MLPH: variants seen among roughly 807,000 people sequenced by gnomAD.
MLPH encodes melanophilin.
In MLPH, 51 loss-of-function variants were observed where a neutral mutation model predicts 72.1. The ratio of observed to expected loss-of-function variants is 0.71; its 90% CI spans 0.56 to 0.89. MLPH has a LOEUF of 0.89. MLPH is among the 40% of genes least tolerant of loss of function. The pLI is 0.00. For missense variants in MLPH, 743 were observed against 759.9 expected (o/e 0.98, Z 0.26); for synonymous variants, 301 against 310.1 (o/e 0.97, Z 0.31).
intron 4 of MLPH, among the ~76,000 whole-genome samples, chr2:237,514,552 G>A (rs1230737700): frequency 1.3e-5 from 2 of 152,208 alleles, no homozygotes; most frequent in Admixed American, 6.5e-5. Context: ...TGGCCTTGGG[G>A]AAGAATGGGC....
At position 237,542,815 on chromosome 2, in the gene MLPH, G is replaced by C. The variant is rs1192650707; in HGVS notation, c.1539+156G>C. Among the ~76,000 whole-genome samples, 3 of 38,970 alleles carry C rather than the reference G, an allele frequency of 7.7e-5. 1 individual carries two copies. The highest frequency in any genetic ancestry group is 3.5e-4 in the Admixed American group (2 of 5,676). 25.6% of individuals were successfully genotyped at this position (38,970 alleles called of 152,430 possible). On this transcript the variant is annotated intron_variant, in intron 12 of 15. Transcript: ENST00000264605. Reference sequence around the variant, plus strand: ...GACAGTGGTGAGTGGAGGGACAGTGGTGAGTGGGGACAGTGGTGAGTGGGG... The same window carrying C: ...GACAGTGGTGAGTGGAGGGACAGTGCTGAGTGGGGACAGTGGTGAGTGGGG...
intron 6 of MLPH, 112 bp downstream of exon 6, chr2:237,520,141 T>C: frequency 1.4e-6 from 2 of 1,432,684 alleles, no homozygotes; most frequent in Non-Finnish European, 1.9e-6. Flanking sequence ...GGCCACACAG[T>C]CCCACCTGGC....
intron 2 of MLPH, among the ~76,000 whole-genome samples, chr2:237,499,079 C>T (rs527275548): frequency 2.1e-5 from 3 of 144,216 alleles, no homozygotes; most frequent in Non-Finnish European, 4.4e-5. Flanking sequence ...CAGATCTTCC[C>T]GGAGGGTTTC....
intron 15 of MLPH, 48 bp downstream of exon 15, chr2:237,552,485 C>A: frequency 6.7e-7 from 1 of 1,484,418 alleles, no homozygotes; most frequent in East Asian, 2.3e-5. Flanking sequence ...TTCAGTGACC[C>A]GTCAGATTTA....
chr2:237,527,257 A>G, intron 7 of MLPH, 120 bp from the exon 8 acceptor site: 1 of 1,274,526 alleles, frequency 7.8e-7, no homozygotes. Context: ...TCAGCCCTGT[A>G]ACATGAACAT....
At chr2:237,514,001 G>A (rs2079961991) in intron 4 of MLPH, among the ~76,000 whole-genome samples, 2 of 152,210 alleles carry the variant, frequency 1.3e-5, no homozygotes, top group South Asian at 4.1e-4. Flanking sequence ...ATACATGGGA[G>A]CCTTCAGAAT....
chr2:237,525,461 G>A, intron 6 of MLPH, 140 bp from the exon 7 acceptor site: 3 of 763,608 alleles, frequency 3.9e-6, no homozygotes, highest in Non-Finnish European at 6.8e-6. Context: ...GAGTGGCAGG[G>A]GCCAGCGCAG....
intron 6 of MLPH, 30 bp downstream of exon 6, chr2:237,520,059 C>G: frequency 6.2e-7 from 1 of 1,613,654 alleles, no homozygotes; most frequent in Non-Finnish European, 8.5e-7. Context: ...TTTCCCCTGC[C>G]CCTCCCAGGA....
chr2:237,517,815 G>A (rs74449293), intron 4 of MLPH, among the ~76,000 whole-genome samples: 30,111 of 151,172 alleles, frequency 0.2, 3,673 homozygotes, highest in African/African-American at 0.34. Context: ...GCAGCTGGAT[G>A]GATGGGTAGA....
At chr2:237,535,718 G>A (rs1052002167) in intron 9 of MLPH, among the ~76,000 whole-genome samples, 4 of 152,238 alleles carry the variant, frequency 2.6e-5, no homozygotes, top group Non-Finnish European at 5.9e-5. Context: ...AATGGGGTCA[G>A]TGCTCCAAAG....
At chr2:237,509,600 TC>T (rs1559343661) in intron 2 of MLPH, among the ~76,000 whole-genome samples, 1 of 152,150 alleles carries the variant, frequency 6.6e-6, no homozygotes, top group Non-Finnish European at 1.5e-5. Flanking sequence ...GATGGCGGTA[TC>T]CCCCTAGATT....
At chr2:237,545,671 A>G in intron 12 of MLPH, 1 of 1,243,646 alleles carries the variant, frequency 8.0e-7, no homozygotes, top group Non-Finnish European at 1.0e-6. Context: ...TCCTCTCCTG[A>G]TCCCATTCAG....
intron 2 of MLPH, among the ~76,000 whole-genome samples, chr2:237,500,907 A>C: frequency 6.6e-6 from 1 of 151,378 alleles, no homozygotes; most frequent in Non-Finnish European, 1.5e-5. Flanking sequence ...CCACACACAC[A>C]CTTACTCTTC....
intron 2 of MLPH, among the ~76,000 whole-genome samples, chr2:237,498,308 T>C (rs775387861): frequency 6.6e-6 from 1 of 152,236 alleles, no homozygotes; most frequent in Non-Finnish European, 1.5e-5. Flanking sequence ...GATGGATTCC[T>C]GCTCAGTATT....
rs536538821 is a variant in MLPH at position 237,539,270 on chromosome 2, C to G, written c.1105-1078C>G. ...GGGCCGGCTGGGAGAAGGCGGTGGT[C>G]GAACCGGAGAGCAGCGAAGGTGGTG... On this transcript the variant is annotated intron_variant, in intron 9 of 15. Transcript: ENST00000264605. Among the ~76,000 whole-genome samples, 8 of 152,250 alleles carry G rather than the reference C, an allele frequency of 5.3e-5. No individual in the cohort carries two copies. The East Asian group carries it at 1.5e-3, about 29-fold the overall frequency.
At chr2:237,545,516 CAG>C in intron 12 of MLPH, 1 of 1,289,084 alleles carries the variant, frequency 7.8e-7, no homozygotes, top group Non-Finnish European at 1.0e-6. Context: ...CACACCCTGA[CAG>C]TGTAAAATCC....
rs2081057708 is a variant in MLPH at position 237,552,416 on chromosome 2, A to G, written c.1755A>G (p.Gly585=). ...LTQRNPNARK[G]MASHTFAKPV... ...AGAGAAACCCCAACGCGAGGAAAGG[A>G]ATGGCCAGCCACACCTTCGCGGTAA... The change falls in exon 15 of 16, where the codon GGA becomes GGG. Residue 585 remains glycine (G), a synonymous_variant. Transcript: ENST00000264605. 6.2e-7 allele frequency: 1 copy of G among 1,613,976 alleles called. No individual in the cohort carries two copies. Among genetic ancestry groups the G allele is most frequent in the Admixed American group, 1.7e-5 (1 of 60,002 alleles).
At chr2:237,553,466 G>T (rs2081076654) in intron 15 of MLPH, 100 bp from the exon 16 acceptor site, 2 of 1,098,274 alleles carry the variant, frequency 1.8e-6, no homozygotes, top group Admixed American at 3.9e-5. Flanking sequence ...GCACATCCAT[G>T]TACACACCTG....
rs745901601 is a variant in MLPH at position 237,518,661 on chromosome 2, C to T, written c.555+13C>T. On this transcript the variant is annotated intron_variant, in intron 5 of 15. Coordinates refer to ENST00000264605, the MANE Select transcript of MLPH (RefSeq NM_024101.7). ...CTTTGGCAGCAAAGTAAGTCATCTC[C>T]AGCCACCCCCTCCTCAGCCACCTCG... 13 of 1,596,704 alleles carry T rather than the reference C, an allele frequency of 8.1e-6. No individual in the cohort carries two copies. The highest frequency in any genetic ancestry group is 2.2e-5 in the East Asian group (1 of 44,758).
Sources: gnomAD v4.1 joint callset for allele counts (sites outside exome capture counted in the v4.1 genomes callset) on GRCh38, gnomAD v4.1.1 for gene constraint, MANE v1.5 for transcripts, NCBI Gene and HGNC (gene_info 2026-07-23, HGNC 2026-07-21) for gene names.